The following RTN3 variants were observed in gnomAD, a reference collection of about 807,000 sequenced individuals.
RTN3 encodes the protein reticulon 3.
RTN3 carries 49 observed loss-of-function variants against 77.8 expected under a neutral mutation model. That is an observed-to-expected ratio of 0.63 (90% CI 0.50 to 0.80). The LOEUF is 0.80. Among genes scored for constraint, RTN3 ranks in the 30% least tolerant of loss-of-function variants. The pLI is 0.00. For synonymous variants in RTN3, 464 were observed against 446.9 expected (o/e 1.04, Z -0.48); for missense variants, 1,236 against 1,211.9 (o/e 1.02, Z -0.29).
intron 1 of RTN3, among the ~76,000 whole-genome samples, chr11:63,683,914 T>G (rs1290569765): frequency 4.0e-5 from 6 of 149,718 alleles, no homozygotes; most frequent in African/African-American, 1.5e-4. Context: ...CGGTTTCCAC[T>G]CGTTATTTCT....
intron 2 of RTN3, among the ~76,000 whole-genome samples, chr11:63,717,984 C>T (rs1353740834): frequency 6.8e-6 from 1 of 146,200 alleles, no homozygotes; most frequent in Non-Finnish European, 1.5e-5. Flanking sequence ...CATTGCACTT[C>T]AGCCTGGGCA....
In RTN3 at chr11:63,756,140, C is replaced by A. The variant is rs1303869375; in HGVS notation, c.3023C>A (p.Ala1008Asp). 2 of 1,613,410 alleles carry A rather than the reference C, an allele frequency of 1.2e-6. No individual in the cohort carries two copies. The highest frequency in any genetic ancestry group is 2.2e-5 in the South Asian group (2 of 91,052). ...KTQIDHYVGI[A>D]RDQTKSIVEK... Reference sequence around the variant, plus strand: ...CAGATTGATCACTATGTTGGCATCGCCCGAGATCAGACCAAGTCAATTGTT... The same window carrying A: ...CAGATTGATCACTATGTTGGCATCGACCGAGATCAGACCAAGTCAATTGTT... The change falls in exon 8 of 9, where the codon GCC becomes GAC. Residue 1008 changes from alanine to aspartate, a missense_variant. Physicochemically the swap from Ala to Asp is moderately radical, Grantham distance 126 (BLOSUM62 -2). Transcript: ENST00000377819.
rs770285987 is a variant in RTN3, at chr11:63,720,886, G to A, written c.2384G>A (p.Arg795His). The A allele has an allele frequency of 4.9e-5, 79 of 1,613,918 alleles. No homozygotes were observed. Among genetic ancestry groups the A allele is most frequent in the Non-Finnish European group, 5.9e-5 (70 of 1,180,010 alleles). Residue 795 changes from arginine (R) to histidine (H), a missense_variant, in exon 3 of 9, where the codon CGT becomes CAT. Physicochemically the swap from Arg to His is conservative, Grantham distance 29 (BLOSUM62 0). Transcript: ENST00000377819. ...WPQRSYDILERNVKNGSDLGI... is the reference protein window; with the variant it reads ...WPQRSYDILEHNVKNGSDLGI... Reference sequence around the variant, plus strand: ...CAGAGATCATATGACATCCTAGAACGTAATGTCAAGAATGGATCTGATCTT... The same window carrying A: ...CAGAGATCATATGACATCCTAGAACATAATGTCAAGAATGGATCTGATCTT...
At chr11:63,740,436 C>T (rs1311816485) in intron 3 of RTN3, among the ~76,000 whole-genome samples, 20 of 150,428 alleles carry the variant, frequency 1.3e-4, no homozygotes, top group Non-Finnish European at 5.9e-5. Context: ...TGCCTGCCAC[C>T]ATGCCTGGCT....
intron 8 of RTN3, among the ~76,000 whole-genome samples, chr11:63,757,662 T>A (rs1203148620): frequency 1.3e-5 from 2 of 152,106 alleles, no homozygotes; most frequent in African/African-American, 4.8e-5. Flanking sequence ...TTATTTTGAA[T>A]TATTCATAGC....
chr11:63,689,036 G>T (rs1425206354), intron 1 of RTN3, among the ~76,000 whole-genome samples: 4 of 152,070 alleles, frequency 2.6e-5, no homozygotes, highest in East Asian at 1.9e-4. Flanking sequence ...ATATAAATGT[G>T]CATATTTGTT....
intron 1 of RTN3, among the ~76,000 whole-genome samples, chr11:63,697,314 A>AT (rs1162746820): frequency 6.4e-4 from 92 of 144,296 alleles, no homozygotes; most frequent in Middle Eastern, 3.6e-3. Context: ...TTTTATTTTT[A>AT]TTTTTTTTTG....
chr11:63,715,502 CAAAAAA>C (rs2011338839), intron 2 of RTN3, among the ~76,000 whole-genome samples: 1 of 151,990 alleles, frequency 6.6e-6, no homozygotes, highest in Non-Finnish European at 1.5e-5. Flanking sequence ...ACTAAAAATA[CAAAAAA>C]TTAGCCAGGT....
intron 3 of RTN3, among the ~76,000 whole-genome samples, chr11:63,746,099 C>T (rs1047947224): frequency 6.6e-6 from 1 of 152,246 alleles, no homozygotes; most frequent in East Asian, 1.9e-4. Context: ...GAGTGACCCA[C>T]CGCACCTGGC....
chr11:63,721,272 C>T (rs965193798), intron 3 of RTN3, among the ~76,000 whole-genome samples: 2 of 152,042 alleles, frequency 1.3e-5, no homozygotes, highest in Non-Finnish European at 2.9e-5. Context: ...TTAATCTTCC[C>T]CTAAATATTT....
At chr11:63,700,521 C>T (rs549668871) in intron 1 of RTN3, among the ~76,000 whole-genome samples, 12 of 151,454 alleles carry the variant, frequency 7.9e-5, no homozygotes, top group South Asian at 4.2e-4. Context: ...TGGGCGCAAG[C>T]GGTCCACCTG....
intron 1 of RTN3, among the ~76,000 whole-genome samples, chr11:63,697,469 C>CATTATT (rs71039664): frequency 0.68 from 100,069 of 146,806 alleles, 35,876 homozygotes; most frequent in East Asian, 0.98. Flanking sequence ...ACACCCAGCT[C>CATTATT]ATTATTATTA....
intron 3 of RTN3, among the ~76,000 whole-genome samples, chr11:63,722,463 G>A (rs1227825835): frequency 1.3e-5 from 2 of 152,122 alleles, no homozygotes; most frequent in African/African-American, 2.4e-5. Context: ...TGAAAATGCA[G>A]GTAATACAGT....
rs1451453563 is a variant in RTN3, at chr11:63,719,754, G to A, written c.1252G>A (p.Gly418Arg). ...ASLQQENAIT[G>R]KPVPDSLNST... is the part of the protein sequence containing the mutation. ...TCTCCAGCAAGAAAATGCTATTACT[G>A]GAAAACCTGTACCTGACTCTTTGAA... Residue 418 changes from glycine (G) to arginine (R), a missense_variant, in exon 3 of 9, where the codon GGA becomes AGA. This residue lies in a region of RTN3 where 1,056 missense variants were observed against 990.4 expected (regional missense o/e 1.07). Coordinates refer to ENST00000377819, the MANE Select transcript of RTN3 (RefSeq NM_001265589.2). The A allele has an allele frequency of 6.2e-7, 1 of 1,613,966 alleles. No individual in the cohort carries two copies. The highest frequency in any genetic ancestry group is 1.7e-5 in the Admixed American group (1 of 59,984).
chr11:63,755,605 C>T (rs1201337359), intron 7 of RTN3, among the ~76,000 whole-genome samples: 8 of 103,566 alleles, frequency 7.7e-5, no homozygotes, highest in African/African-American at 3.1e-4. Context: ...GAGCCGAGAT[C>T]ACACCATTGC....
chr11:63,690,139 A>G (rs1011040155), intron 1 of RTN3, among the ~76,000 whole-genome samples: 4 of 152,172 alleles, frequency 2.6e-5, no homozygotes, highest in African/African-American at 9.7e-5. Context: ...ACTTAACCAG[A>G]GGGAACGGTG....
At chr11:63,752,800 G>A (rs2014175535) in intron 5 of RTN3, among the ~76,000 whole-genome samples, 155 bp downstream of exon 5, 1 of 152,146 alleles carries the variant, frequency 6.6e-6, no homozygotes, top group South Asian at 2.1e-4. Context: ...CTAGAGAAAG[G>A]TATAGCCTTC....
chr11:63,738,870 G>A (rs946590775), intron 3 of RTN3, among the ~76,000 whole-genome samples: 4 of 152,128 alleles, frequency 2.6e-5, no homozygotes, highest in Non-Finnish European at 5.9e-5. Flanking sequence ...GTTTACTGCT[G>A]TTCCTCCTGG....
intron 4 of RTN3, among the ~76,000 whole-genome samples, chr11:63,751,102 C>T (rs1380674132): frequency 1.3e-5 from 2 of 151,392 alleles, no homozygotes; most frequent in Non-Finnish European, 2.9e-5. Context: ...CTCCTGACCT[C>T]GTGATCCACC....
Sources: allele counts gnomAD v4.1 joint callset (sites outside exome capture counted in the v4.1 genomes callset), GRCh38; gene constraint gnomAD v4.1.1; regional missense constraint gnomAD v4.1.1; transcripts MANE v1.5; gene names NCBI Gene and HGNC (gene_info 2026-07-23, HGNC 2026-07-21).